The following CIMAP1D variants were observed in gnomAD, a reference collection of about 807,000 sequenced individuals.
CIMAP1D encodes the protein CIMAP1 family member D.
chr19:489,887 A>T, the CIMAP1D span: 1 of 388,156 alleles, frequency 2.6e-6, no homozygotes, highest in East Asian at 3.7e-5. Context: ...CCCAGCCAGG[A>T]GGCTGCGGCT....
chr19:482,133 A>C, the CIMAP1D span, among the ~76,000 whole-genome samples: 6 of 152,226 alleles, frequency 3.9e-5, no homozygotes, highest in Non-Finnish European at 2.9e-5. Flanking sequence ...AATTAATTTT[A>C]ATAATACATT....
chr19:471,190 C>T, the CIMAP1D span, among the ~76,000 whole-genome samples: 2 of 152,220 alleles, frequency 1.3e-5, no homozygotes, highest in Non-Finnish European at 2.9e-5. Flanking sequence ...GCTCTGTCGC[C>T]CAGGCTGGAG....
chr19:488,422 T>C, the CIMAP1D span, among the ~76,000 whole-genome samples: 1 of 152,156 alleles, frequency 6.6e-6, no homozygotes, highest in Non-Finnish European at 1.5e-5. Context: ...CTCGGGAGGC[T>C]GAGGCAGGAG....
chr19:463,688 G>A, the CIMAP1D span: 3 of 1,085,200 alleles, frequency 2.8e-6, no homozygotes, highest in African/African-American at 4.8e-5. Context: ...CCAGGGACTG[G>A]AAGGATCAGG....
At chr19:478,376 A>G in the CIMAP1D span, among the ~76,000 whole-genome samples, 1 of 152,218 alleles carries the variant, frequency 6.6e-6, no homozygotes, top group Non-Finnish European at 1.5e-5. Flanking sequence ...ACTCGGCCCC[A>G]CCTGCCTCCG....
chr19:487,985 T>A, the CIMAP1D span, among the ~76,000 whole-genome samples: 1 of 152,140 alleles, frequency 6.6e-6, no homozygotes, highest in Non-Finnish European at 1.5e-5. Context: ...CCGATCTGAT[T>A]GCCGGTGCAT....
the CIMAP1D span, among the ~76,000 whole-genome samples, chr19:486,837 C>A: frequency 6.6e-6 from 1 of 151,932 alleles, no homozygotes; most frequent in South Asian, 2.1e-4. Flanking sequence ...TGACGTGAAC[C>A]CGGGAGGCGG....
the CIMAP1D span, chr19:489,926 C>G: frequency 2.5e-6 from 1 of 397,076 alleles, no homozygotes; most frequent in Non-Finnish European, 4.4e-6. Context: ...AGGGCGAACA[C>G]CCACATTTGG....
chr19:488,137 G>A, the CIMAP1D span, among the ~76,000 whole-genome samples: 1 of 152,114 alleles, frequency 6.6e-6, no homozygotes, highest in Non-Finnish European at 1.5e-5. Context: ...TCTTGCCGAT[G>A]GCCCCGGCCG....
chr19:463,725 G>C, the CIMAP1D span: 1 of 1,417,962 alleles, frequency 7.1e-7, no homozygotes, highest in Non-Finnish European at 9.4e-7. Flanking sequence ...GGACAGTTCA[G>C]GAAAGGGGAG....
At chr19:464,171 G>T in the CIMAP1D span, 1 of 1,506,272 alleles carries the variant, frequency 6.6e-7, no homozygotes, top group Non-Finnish European at 8.9e-7. Context: ...CCGTGTAGCT[G>T]GGGCTGCTGG....
chr19:489,812 C>T, the CIMAP1D span: 2 of 376,240 alleles, frequency 5.3e-6, no homozygotes, highest in Non-Finnish European at 9.4e-6. Flanking sequence ...GCACTCAGCG[C>T]GGGTTGGGTG....
chr19:488,252 G>A, the CIMAP1D span, among the ~76,000 whole-genome samples: 7 of 152,184 alleles, frequency 4.6e-5, no homozygotes, highest in South Asian at 2.1e-4. Context: ...GCCGGGCTTG[G>A]TGGCTGAAGC....
At chr19:477,261 A>G in the CIMAP1D span, among the ~76,000 whole-genome samples, 1 of 152,214 alleles carries the variant, frequency 6.6e-6, no homozygotes, top group Admixed American at 6.5e-5. Flanking sequence ...GTAGAAATCC[A>G]TGAAATTGAA....
the CIMAP1D span, among the ~76,000 whole-genome samples, chr19:474,455 G>A: frequency 1.3e-4 from 20 of 151,660 alleles, no homozygotes; most frequent in Admixed American, 4.6e-4. Context: ...CGGCAACCCC[G>A]TGTCCACACC....
At chr19:486,707 G>A in the CIMAP1D span, among the ~76,000 whole-genome samples, 9 of 152,024 alleles carry the variant, frequency 5.9e-5, no homozygotes, top group South Asian at 1.5e-3. Flanking sequence ...GAGATCAGGA[G>A]ATCGAGACCA....
At chr19:482,592 T>A in the CIMAP1D span, among the ~76,000 whole-genome samples, 22 of 140,910 alleles carry the variant, frequency 1.6e-4, no homozygotes, top group African/African-American at 4.9e-4. Flanking sequence ...GCATACAGGG[T>A]GAGATCGGCA....
chr19:470,387 AT>A, the CIMAP1D span, among the ~76,000 whole-genome samples: 1 of 132,716 alleles, frequency 7.5e-6, no homozygotes, highest in Non-Finnish European at 1.6e-5. Context: ...TTTTTTTTTT[AT>A]TTTTAGTAGA....
the CIMAP1D span, among the ~76,000 whole-genome samples, chr19:488,194 G>T: frequency 6.6e-6 from 1 of 151,948 alleles, no homozygotes; most frequent in Admixed American, 6.6e-5. Flanking sequence ...AGTTTTGTCT[G>T]CGGCTCTTCC....
Sources: gnomAD v4.1 joint callset for allele counts (sites outside exome capture counted in the v4.1 genomes callset) on GRCh38, gnomAD v4.1.1 for gene constraint, MANE v1.5 for transcripts, NCBI Gene and HGNC (gene_info 2026-07-23, HGNC 2026-07-21) for gene names.